The following APBA1 variants were observed in gnomAD, a reference collection of about 807,000 sequenced individuals.
The protein encoded by APBA1 is amyloid beta precursor protein binding family A member 1, also known as amyloid-beta A4 precursor protein-binding family A member 1.
APBA1 carries 55 observed loss-of-function variants against 86.6 expected under a neutral mutation model. The observed-to-expected ratio is 0.64, with a 90% CI of 0.51 to 0.80. APBA1 has a LOEUF of 0.80. Ranked by LOEUF, APBA1 falls within the 30% of genes least tolerant of loss-of-function variation. The probability of loss-of-function intolerance (pLI) is 0.00; values close to 1 mark genes in which losing one functional copy is unlikely to be tolerated. For missense variants in APBA1, 1,090 were observed against 1,183.0 expected (o/e 0.92, Z 1.15); for synonymous variants, 511 against 493.9 (o/e 1.03, Z -0.46).
chr9:69,627,898 C>A (rs371469731), intron 1 of APBA1, among the ~76,000 whole-genome samples: 4 of 152,106 alleles, frequency 2.6e-5, no homozygotes, highest in African/African-American at 9.7e-5. Flanking sequence ...GAATGAGATA[C>A]CTGAACATGG....
chr9:69,501,841 C>T (rs1048113755), intron 2 of APBA1, among the ~76,000 whole-genome samples: 6 of 151,974 alleles, frequency 3.9e-5, no homozygotes, highest in Non-Finnish European at 8.8e-5. Flanking sequence ...AGTGCATAGT[C>T]GGGGCAGAGG....
At chr9:69,526,952 T>C (rs1836352610) in intron 1 of APBA1, among the ~76,000 whole-genome samples, 1 of 152,120 alleles carries the variant, frequency 6.6e-6, no homozygotes, top group African/African-American at 2.4e-5. Context: ...CTGGAGGCCA[T>C]TGTCCTAAGC....
At chr9:69,513,849 G>T (rs560773450) in intron 2 of APBA1, among the ~76,000 whole-genome samples, 1 of 152,300 alleles carries the variant, frequency 6.6e-6, no homozygotes, top group East Asian at 1.9e-4. Flanking sequence ...TACAATAATG[G>T]TTTCTCACTC....
At chr9:69,528,345 A>G (rs1302284078) in intron 1 of APBA1, among the ~76,000 whole-genome samples, 1 of 152,138 alleles carries the variant, frequency 6.6e-6, no homozygotes, top group Non-Finnish European at 1.5e-5. Context: ...AAAATTTTGA[A>G]TTTATGCAGA....
chr9:69,670,396 G>A (rs899231116), intron 1 of APBA1, among the ~76,000 whole-genome samples: 4 of 152,294 alleles, frequency 2.6e-5, no homozygotes, highest in Admixed American at 1.3e-4. Flanking sequence ...TGACTGCTAC[G>A]GGCTTTTCGA....
chr9:69,662,621 G>A (rs1438254378), intron 1 of APBA1, among the ~76,000 whole-genome samples: 1 of 152,222 alleles, frequency 6.6e-6, no homozygotes. Flanking sequence ...ATTTGGAAGG[G>A]AAGTGGGCGT....
intron 12 of APBA1, 144 bp downstream of exon 12, chr9:69,432,392 G>T: frequency 1.3e-6 from 1 of 754,898 alleles, no homozygotes; most frequent in Non-Finnish European, 1.9e-6. Flanking sequence ...TTTGGTCAGA[G>T]ACAGGTCTGC....
At chr9:69,484,983 C>CTT (rs35896934) in intron 2 of APBA1, among the ~76,000 whole-genome samples, 10 of 145,224 alleles carry the variant, frequency 6.9e-5, no homozygotes, top group East Asian at 2.0e-4. Flanking sequence ...AACTGAAAAA[C>CTT]TTTTTTTTTT....
chr9:69,440,932 C>A (rs147194642), intron 11 of APBA1, 64 bp downstream of exon 11: 5 of 1,577,072 alleles, frequency 3.2e-6, no homozygotes, highest in Admixed American at 3.5e-5. Flanking sequence ...CTCCACCCCC[C>A]CAGCCATGCT....
At chr9:69,637,390 A>G (rs1408047339) in intron 1 of APBA1, among the ~76,000 whole-genome samples, 1 of 152,226 alleles carries the variant, frequency 6.6e-6, no homozygotes, top group Non-Finnish European at 1.5e-5. Flanking sequence ...TTGTAACAGA[A>G]AGAAAAGATA....
rs569361596 is a variant in APBA1, at chr9:69,485,581, G to C, written c.1201-9438C>G. Among the ~76,000 whole-genome samples, 7 of 151,912 alleles carry C rather than the reference G, an allele frequency of 4.6e-5. No homozygotes were observed. In the South Asian group the frequency reaches 1.5e-3, roughly 32 times the overall value. The stretch of plus-strand genomic sequence containing the variant: ...GATGGATATCCAATTTTAAGCAAAT[G>C]AGACATGTGCTTGTGAGGGTAGGAT... On this transcript the variant is annotated intron_variant, in intron 2 of 12. Transcript: ENST00000265381.
chr9:69,531,954 A>T (rs1836440214), intron 1 of APBA1, among the ~76,000 whole-genome samples: 1 of 152,188 alleles, frequency 6.6e-6, no homozygotes, highest in East Asian at 1.9e-4. Flanking sequence ...TCTCTTCTCA[A>T]TCTGGCTCAT....
intron 10 of APBA1, among the ~76,000 whole-genome samples, chr9:69,447,207 A>C (rs192554231): frequency 6.6e-6 from 1 of 152,222 alleles, no homozygotes; most frequent in East Asian, 1.9e-4. Context: ...ATAACATCAC[A>C]TTGGGATTAG....
chr9:69,624,147 C>T (rs1435478334), intron 1 of APBA1, among the ~76,000 whole-genome samples: 1 of 152,152 alleles, frequency 6.6e-6, no homozygotes, highest in Non-Finnish European at 1.5e-5. Flanking sequence ...GGACAGCTTT[C>T]AGTGAAAATC....
intron 1 of APBA1, among the ~76,000 whole-genome samples, chr9:69,595,935 C>T (rs981218344): frequency 4.6e-5 from 7 of 152,134 alleles, no homozygotes; most frequent in Admixed American, 4.6e-4. Flanking sequence ...TCTAGACACC[C>T]CCACACAATC....
At chr9:69,662,127 T>C (rs193207602) in intron 1 of APBA1, among the ~76,000 whole-genome samples, 132 of 151,898 alleles carry the variant, frequency 8.7e-4, no homozygotes, top group Non-Finnish European at 1.2e-3. Context: ...GGGAAGCTAC[T>C]GCTGGGCCCA....
chr9:69,523,497 GTATA>G (rs869242999), intron 1 of APBA1, among the ~76,000 whole-genome samples: 81 of 30,888 alleles, frequency 2.6e-3, no homozygotes, highest in African/African-American at 4.3e-3. Flanking sequence ...ATATATATAT[GTATA>G]TATATATATA....
Position 69,516,849 on chromosome 9 carries a change from T to C in APBA1, c.362A>G (p.Gln121Arg). The change falls in exon 2 of 13, where the codon CAG becomes CGG. Residue 121 changes from glutamine (Q) to arginine (R), a missense_variant. Physicochemically the swap from Gln to Arg is conservative, Grantham distance 43 (BLOSUM62 1). Around this residue, in one of 6 missense-constraint regions of APBA1, gnomAD observed 678 missense variants for 647.1 expected, o/e 1.05. Coordinates refer to ENST00000265381, the MANE Select transcript of APBA1 (RefSeq NM_001163.4). The surrounding 1 kb of genome is among the most constrained non-coding windows in gnomAD (Gnocchi z 7.3). ...DPEDESAYAV[Q>R]YRPEAEEYTE... ...GTACTCCTCGGCCTCGGGCCGGTAC[T>C]GCACAGCATAGGCGCTCTCGTCCTC... 1 of 1,602,562 alleles carries C rather than the reference T, an allele frequency of 6.2e-7. No individual in the cohort carries two copies. Among genetic ancestry groups the C allele is most frequent in the Non-Finnish European group, 8.5e-7 (1 of 1,178,676 alleles).
intron 1 of APBA1, among the ~76,000 whole-genome samples, chr9:69,592,404 TG>T (rs1281509591): frequency 6.6e-6 from 1 of 152,162 alleles, no homozygotes; most frequent in Non-Finnish European, 1.5e-5. Flanking sequence ...GAAGCCAGCC[TG>T]GGTAACATAG....
Sources: allele counts gnomAD v4.1 joint callset (sites outside exome capture counted in the v4.1 genomes callset), GRCh38; gene constraint gnomAD v4.1.1; regional missense constraint gnomAD v4.1.1; non-coding constraint Gnocchi (gnomAD v3.1); transcripts MANE v1.5; gene names NCBI Gene and HGNC (gene_info 2026-07-23, HGNC 2026-07-21).